Variants in KDM4C observed in about 807,000 individuals in gnomAD.
KDM4C encodes lysine demethylase 4C.
A neutral mutation model predicts 129.3 loss-of-function variants in KDM4C; 81 were observed. The observed-to-expected ratio is 0.63, with a 90% CI of 0.52 to 0.75. The LOEUF is 0.75. Ranked by LOEUF, KDM4C falls within the 30% of genes least tolerant of loss-of-function variation. The pLI, the probability that KDM4C is intolerant of heterozygous loss-of-function variation, is 0.00. For synonymous variants in KDM4C, 573 were observed against 456.1 expected (o/e 1.26, Z -3.26); for missense variants, 1,457 against 1,304.0 (o/e 1.12, Z -1.81).
chr9:6,919,541 GTCTGTCTATCTATCTA>G (rs1288528822), intron 8 of KDM4C, among the ~76,000 whole-genome samples: 32 of 60,530 alleles, frequency 5.3e-4, no homozygotes, highest in Admixed American at 8.7e-4. Flanking sequence ...CTGTCTGTCT[GTCTGTCTATCTATCTA>G]TCTATCTATC....
In KDM4C at chr9:6,871,903, G is replaced by C. The variant is rs546196039; in HGVS notation, c.630-8109G>C. 2.0e-5 allele frequency among the ~76,000 whole-genome samples: 3 copies of C among 152,292 alleles called. No homozygotes were observed. In the South Asian group the frequency reaches 6.2e-4, roughly 32 times the overall value. ...ATTGAGCAGCATCTTGCTTTGGGAA[G>C]TAGTATATAATACTACATAATATAC... is the stretch of plus-strand genomic sequence containing the variant. On this transcript the variant is annotated intron_variant, in intron 5 of 21. Coordinates refer to ENST00000381309, the MANE Select transcript of KDM4C (RefSeq NM_015061.6).
intron 6 of KDM4C, among the ~76,000 whole-genome samples, chr9:6,886,408 G>A (rs1228736597): frequency 2.0e-5 from 3 of 151,024 alleles, no homozygotes; most frequent in East Asian, 1.9e-4. Flanking sequence ...TGCCTCCTGG[G>A]TTCAAGTGAA....
intron 1 of KDM4C, among the ~76,000 whole-genome samples, chr9:6,730,811 C>T (rs1016432542): frequency 2.0e-5 from 3 of 152,030 alleles, no homozygotes; most frequent in Admixed American, 6.6e-5. Context: ...GTTACAGCTC[C>T]GCGTTTGCCT....
intron 4 of KDM4C, chr9:6,834,395 G>T (rs554468815): frequency 2.7e-6 from 1 of 372,194 alleles, no homozygotes; most frequent in African/African-American, 2.1e-5. Context: ...CGTCCGCCCC[G>T]TGAGCACAGA....
intron 17 of KDM4C, among the ~76,000 whole-genome samples, chr9:7,090,645 G>A (rs1835685017): frequency 6.6e-6 from 1 of 152,186 alleles, no homozygotes; most frequent in Admixed American, 6.5e-5. Flanking sequence ...GTTTATAAAT[G>A]ACCTCCCCAT....
intron 11 of KDM4C, 65 bp from the exon 12 acceptor site, chr9:6,990,351 G>GTTTT: frequency 2.5e-6 from 2 of 809,810 alleles, no homozygotes; most frequent in African/African-American, 1.8e-5. Flanking sequence ...GAACTGTAGG[G>GTTTT]TTTTTTTTTT....
intron 17 of KDM4C, among the ~76,000 whole-genome samples, chr9:7,091,817 G>A (rs1015042950): frequency 6.6e-6 from 1 of 152,206 alleles, no homozygotes; most frequent in African/African-American, 2.4e-5. Flanking sequence ...GTCACATGGT[G>A]CTGAGGCAGG....
At chr9:7,147,546 C>A (rs1413896972) in intron 19 of KDM4C, among the ~76,000 whole-genome samples, 1 of 152,026 alleles carries the variant, frequency 6.6e-6, no homozygotes, top group African/African-American at 2.4e-5. Context: ...CATTTTAGTC[C>A]CTGCCAACAA....
At chr9:6,877,383 G>A (rs1361138400) in intron 5 of KDM4C, among the ~76,000 whole-genome samples, 2 of 152,138 alleles carry the variant, frequency 1.3e-5, no homozygotes, top group Non-Finnish European at 2.9e-5. Context: ...TGTATTTTTA[G>A]TAGAAATGGG....
At chr9:6,898,239 T>C (rs554580773) in intron 8 of KDM4C, among the ~76,000 whole-genome samples, 2 of 152,338 alleles carry the variant, frequency 1.3e-5, no homozygotes, top group East Asian at 3.9e-4. Context: ...TGTTTGTGTT[T>C]CAGCAGCCTC....
chr9:6,947,301 T>C (rs1390270646), intron 8 of KDM4C, among the ~76,000 whole-genome samples: 1 of 152,180 alleles, frequency 6.6e-6, no homozygotes, highest in African/African-American at 2.4e-5. Flanking sequence ...TCAATACATT[T>C]ATTTACATGA....
At position 6,838,666 on chromosome 9, in the gene KDM4C, CAG is replaced by C. The variant is rs891800727; in HGVS notation, c.436-10839_436-10838del. 6.6e-5 allele frequency among the ~76,000 whole-genome samples: 10 copies of C among 152,192 alleles called. 1 individual carries two copies. The South Asian group carries it at 1.2e-3, about 19-fold the overall frequency. On this transcript the variant is annotated intron_variant, in intron 4 of 21. Transcript: ENST00000381309. ...ATGGTTGTTGTTGAGAATTCTAAAA[CAG>C]AAAGCAGTGCTGTAAAATCGTAGGT...
intron 5 of KDM4C, among the ~76,000 whole-genome samples, chr9:6,852,229 A>T (rs553901563): frequency 6.6e-6 from 1 of 152,186 alleles, no homozygotes; most frequent in East Asian, 1.9e-4. Flanking sequence ...AATATATTTG[A>T]GGTGAGCTTT....
At chr9:6,811,076 G>T (rs1588439028) in intron 3 of KDM4C, among the ~76,000 whole-genome samples, 2 of 152,280 alleles carry the variant, frequency 1.3e-5, no homozygotes, top group South Asian at 2.1e-4. Flanking sequence ...TCAACACAGA[G>T]CTGTGCCAGG....
chr9:7,001,493 G>A (rs1820710640), intron 12 of KDM4C, among the ~76,000 whole-genome samples: 2 of 152,216 alleles, frequency 1.3e-5, no homozygotes, highest in South Asian at 2.1e-4. Flanking sequence ...ACCATGTAAT[G>A]TATTTTGAAG....
At chr9:7,144,128 T>C (rs1441591834) in intron 19 of KDM4C, among the ~76,000 whole-genome samples, 3 of 152,096 alleles carry the variant, frequency 2.0e-5, no homozygotes, top group African/African-American at 7.2e-5. Context: ...GTTTTTGTTT[T>C]TTTTGTGTGA....
At chr9:7,092,863 T>A (rs898993876) in intron 17 of KDM4C, among the ~76,000 whole-genome samples, 16 of 152,138 alleles carry the variant, frequency 1.1e-4, no homozygotes, top group African/African-American at 3.6e-4. Context: ...TTTGAAGAGA[T>A]CTCACAGAAA....
intron 7 of KDM4C, among the ~76,000 whole-genome samples, chr9:6,889,474 G>A (rs1588950124): frequency 6.6e-6 from 1 of 152,078 alleles, no homozygotes; most frequent in Admixed American, 6.5e-5. Flanking sequence ...GCCTGCGGGT[G>A]TAGGGAGGCA....
rs576665247 is a variant in KDM4C, at chr9:7,078,840, T to C, written c.2425-24845T>C. Among the ~76,000 whole-genome samples the C allele has an allele frequency of 3.3e-5, 5 of 152,262 alleles. No individual in the cohort carries two copies. The South Asian group carries it at 6.2e-4, about 19-fold the overall frequency. On this transcript the variant is annotated intron_variant, in intron 17 of 21. Transcript: ENST00000381309. Reference sequence around the variant, plus strand: ...GAGGTGTCCATGAGCAACCCCATGATTGGATGATTGACTGGGAGAATTCAC... The same window carrying C: ...GAGGTGTCCATGAGCAACCCCATGACTGGATGATTGACTGGGAGAATTCAC...
Sources: allele counts gnomAD v4.1 joint callset (sites outside exome capture counted in the v4.1 genomes callset), GRCh38; gene constraint gnomAD v4.1.1; transcripts MANE v1.5; gene names NCBI Gene and HGNC (gene_info 2026-07-23, HGNC 2026-07-21).